The following DAGLB variants were observed in gnomAD, a reference collection of about 807,000 sequenced individuals.
DAGLB encodes diacylglycerol lipase beta, also known as diacylglycerol lipase-beta.
A neutral mutation model predicts 72.1 loss-of-function variants in DAGLB; 66 were observed. The ratio of observed to expected loss-of-function variants is 0.92; its 90% confidence interval spans 0.75 to 1.12. The LOEUF is 1.12. Ranked by LOEUF, DAGLB falls within the 50% of genes most tolerant of loss-of-function variation. The probability of loss-of-function intolerance (pLI) is 0.00; values close to 1 mark genes in which losing one functional copy is unlikely to be tolerated. For synonymous variants in DAGLB, 414 were observed against 359.5 expected (o/e 1.15, Z -1.71); for missense variants, 1,065 against 884.9 (o/e 1.20, Z -2.58).
intron 2 of DAGLB, among the ~76,000 whole-genome samples, chr7:6,440,615 G>T (rs570573774): frequency 1.3e-5 from 2 of 151,698 alleles, no homozygotes; most frequent in African/African-American, 4.8e-5. Context: ...TAGCTATGTC[G>T]GCCGGGTGCA....
At chr7:6,424,909 A>C (rs1784255084) in intron 7 of DAGLB, 74 bp from the exon 8 acceptor site, 2 of 1,472,942 alleles carry the variant, frequency 1.4e-6, no homozygotes, top group Non-Finnish European at 1.9e-6. Flanking sequence ...GGAGCCCTGC[A>C]GTGTCTGCAA....
At chr7:6,439,918 G>C (rs994016489) in intron 2 of DAGLB, among the ~76,000 whole-genome samples, 1 of 151,848 alleles carries the variant, frequency 6.6e-6, no homozygotes, top group Admixed American at 6.6e-5. Context: ...CAGGCATGGT[G>C]GTGGGCGCCT....
At chr7:6,443,249 T>TAAA (rs60124255) in intron 2 of DAGLB, among the ~76,000 whole-genome samples, 16 of 78,180 alleles carry the variant, frequency 2.0e-4, no homozygotes, top group South Asian at 4.3e-4. Flanking sequence ...TTGTCTCTAC[T>TAAA]AAAAAAAAAA....
chr7:6,426,211 G>A, intron 6 of DAGLB, 97 bp from the exon 7 acceptor site: 1 of 1,553,110 alleles, frequency 6.4e-7, no homozygotes, highest in East Asian at 2.3e-5. Context: ...GCGAGGACCA[G>A]AGCGGACAAT....
At position 6,433,271 on chromosome 7, in the gene DAGLB, G is replaced by T. The variant is rs188170463; in HGVS notation, c.679-312C>A. On this transcript the variant is annotated intron_variant, in intron 4 of 14. Coordinates refer to ENST00000297056, the MANE Select transcript of DAGLB (RefSeq NM_139179.4). ...ATTTTGTAAAGTGGAGAAATCAATG[G>T]ATAAATTGTCCGTTTTTGTAGCAAT... 2.0e-3 allele frequency among the ~76,000 whole-genome samples: 300 copies of T among 152,236 alleles called. 2 individuals are homozygous for T. The highest frequency in any genetic ancestry group is 6.9e-3 in the African/African-American group (288 of 41,544).
Position 6,437,167 on chromosome 7 carries a change from T to C in DAGLB, c.248-634A>G, listed in dbSNP as rs74955501. Among the ~76,000 whole-genome samples, 316 of 129,916 alleles carry C rather than the reference T, an allele frequency of 2.4e-3. 14 individuals are homozygous for C. Among genetic ancestry groups the C allele is most frequent in the Non-Finnish European group, 3.8e-3 (237 of 61,660 alleles). 85.2% of individuals were successfully genotyped at this position (129,916 alleles called of 152,430 possible). On this transcript the variant is annotated intron_variant, in intron 2 of 14. Coordinates refer to ENST00000297056, the MANE Select transcript of DAGLB (RefSeq NM_139179.4). ...AGACTCCGTCTCAAAATAATAATAA[T>C]AATAATAATAATAATAATAATAATA...
chr7:6,447,314 A>G lies in DAGLB; in HGVS notation c.95+434T>C, dbSNP rs762950223. 2.0e-5 allele frequency among the ~76,000 whole-genome samples: 3 copies of G among 152,048 alleles called. No individual in the cohort carries two copies. The East Asian group carries it at 5.8e-4, about 29-fold the overall frequency. ...CACAACCGGCTCGGTATTTTTTCCT[A>G]TCCTTCGTGTTGCAGATTCAAGTGC... On this transcript the variant is annotated intron_variant, in intron 1 of 14. Transcript: ENST00000297056.
rs1249077126 is a variant in DAGLB at position 6,436,541 on chromosome 7, A to T, written c.248-8T>A. 1 of 1,613,770 alleles carries T rather than the reference A, an allele frequency of 6.2e-7. No homozygotes were observed. Among genetic ancestry groups the T allele is most frequent in the Non-Finnish European group, 8.5e-7 (1 of 1,179,942 alleles). On this transcript the variant is annotated splice_region_variant and splice_polypyrimidine_tract_variant and intron_variant, in intron 2 of 14. Coordinates refer to ENST00000297056, the MANE Select transcript of DAGLB (RefSeq NM_139179.4). ...CAGGGTTACAAATCGTTCCTGAAAT[A>T]CAAAAAACGTTCCGACTGCTCAGTT...
rs60802552 is a variant in DAGLB, at chr7:6,446,391, T to C, written c.96-287A>G. ...TACTCGAGAGGCTGAGACAGGAGAA[T>C]TGCTTGAACCTGGGACGTGGAGGTG... On this transcript the variant is annotated intron_variant, in intron 1 of 14. Transcript: ENST00000297056. Among the ~76,000 whole-genome samples, 1,209 of 134,488 alleles carry C rather than the reference T, an allele frequency of 9.0e-3. 16 individuals carry two copies. Among genetic ancestry groups the C allele is most frequent in the African/African-American group, 0.032 (1,153 of 35,560 alleles). The allele number at this position is 134,488 out of a possible 152,430, so 88.2% of individuals were successfully genotyped here.
Position 6,430,612 on chromosome 7 carries a change from A to G in DAGLB, c.802-5T>C. ...TTCTGCATCCAGATCAGCTTCCTAC[A>G]AGAGAAGGACAAAAACTACTGTTTA... On this transcript the variant is annotated splice_polypyrimidine_tract_variant and splice_region_variant and intron_variant, in intron 5 of 14. Transcript: ENST00000297056. The G allele has an allele frequency of 1.3e-6, 2 of 1,583,644 alleles. No individual in the cohort carries two copies. Among genetic ancestry groups the G allele is most frequent in the Non-Finnish European group, 1.7e-6 (2 of 1,160,898 alleles).
intron 7 of DAGLB, among the ~76,000 whole-genome samples, chr7:6,425,370 C>T (rs1019322842): frequency 6.6e-6 from 1 of 152,168 alleles, no homozygotes; most frequent in African/African-American, 2.4e-5. Flanking sequence ...CTCCCGGATT[C>T]AAGTGATTCT....
chr7:6,441,937 C>A (rs1784848085), intron 2 of DAGLB, among the ~76,000 whole-genome samples: 1 of 152,102 alleles, frequency 6.6e-6, no homozygotes. Flanking sequence ...CTGACCGAGA[C>A]AAGCCTCCAT....
chr7:6,440,979 G>T (rs1405940643), intron 2 of DAGLB, among the ~76,000 whole-genome samples: 1 of 151,674 alleles, frequency 6.6e-6, no homozygotes, highest in East Asian at 1.9e-4. Flanking sequence ...TTTGAGGGGG[G>T]GACGGAGTTT....
chr7:6,445,866 T>A, intron 2 of DAGLB, 87 bp downstream of exon 2: 1 of 1,410,796 alleles, frequency 7.1e-7, no homozygotes, highest in African/African-American at 1.4e-5. Flanking sequence ...ATTGGAAAGT[T>A]TACAGAAGTG....
At chr7:6,439,919 G>A (rs780595653) in intron 2 of DAGLB, among the ~76,000 whole-genome samples, 26 of 151,886 alleles carry the variant, frequency 1.7e-4, no homozygotes, top group Non-Finnish European at 2.6e-4. Context: ...AGGCATGGTG[G>A]TGGGCGCCTG....
At chr7:6,415,196 C>T (rs1234496125) in intron 11 of DAGLB, among the ~76,000 whole-genome samples, 2 of 151,328 alleles carry the variant, frequency 1.3e-5, no homozygotes, top group African/African-American at 2.4e-5. Context: ...AGAAAACAGA[C>T]GACTGAAATT....
intron 2 of DAGLB, among the ~76,000 whole-genome samples, chr7:6,437,190 A>G (rs1583299274): frequency 6.8e-6 from 1 of 147,112 alleles, no homozygotes; most frequent in African/African-American, 2.5e-5. Flanking sequence ...AATAATAATA[A>G]TAGTAATAAT....
chr7:6,440,221 C>T (rs181997281), intron 2 of DAGLB, among the ~76,000 whole-genome samples: 43 of 151,442 alleles, frequency 2.8e-4, no homozygotes, highest in African/African-American at 9.9e-4. Context: ...CCCATCTCTA[C>T]TAAAAATATA....
Position 6,409,983 on chromosome 7 carries a change from C to T in DAGLB, c.1873G>A (p.Glu625Lys), listed in dbSNP as rs1396412736. The T allele has an allele frequency of 6.2e-7, 1 of 1,614,040 alleles. No individual in the cohort carries two copies. Among genetic ancestry groups the T allele is most frequent in the Non-Finnish European group, 8.5e-7 (1 of 1,180,056 alleles). Residue 625 changes from glutamate to lysine, a missense_variant, in exon 15 of 15, where the codon GAA becomes AAA. By Grantham distance (56) the Glu-to-Lys change is moderately conservative. Coordinates refer to ENST00000297056, the MANE Select transcript of DAGLB (RefSeq NM_139179.4). Reference protein sequence around the residue: ...HYSAKWSHEAEFSKILIGPKM... With the variant: ...HYSAKWSHEAKFSKILIGPKM... ...GGACCTATGAGTATTTTGCTGAATT[C>T]CGCTTCGTGTGACCACTTGGCGCTA...
Sources: gnomAD v4.1 joint callset for allele counts (sites outside exome capture counted in the v4.1 genomes callset) on GRCh38, gnomAD v4.1.1 for gene constraint, MANE v1.5 for transcripts, NCBI Gene and HGNC (gene_info 2026-07-23, HGNC 2026-07-21) for gene names.